Variants in ARMC1 observed in about 807,000 individuals in gnomAD.
ARMC1 encodes armadillo repeat containing 1, also known as armadillo repeat-containing protein 1.
In ARMC1, 16 loss-of-function variants were observed where a neutral mutation model predicts 31.4. The observed-to-expected ratio is 0.51, with a 90% CI of 0.34 to 0.77. ARMC1 has a LOEUF of 0.77. Ranked by LOEUF, ARMC1 falls within the 30% of genes least tolerant of loss-of-function variation. The pLI, the probability that ARMC1 is intolerant of heterozygous loss-of-function variation, is 0.01. For missense variants in ARMC1, 259 were observed against 347.5 expected (o/e 0.75, Z 2.02); for synonymous variants, 114 against 118.9 (o/e 0.96, Z 0.27).
intron 3 of ARMC1, among the ~76,000 whole-genome samples, chr8:65,615,647 C>A (rs1250649437): frequency 6.6e-6 from 1 of 152,084 alleles, no homozygotes. Context: ...ATGGAGGTTG[C>A]AGCGAGCCAA....
chr8:65,605,721 A>C (rs934307634), intron 4 of ARMC1, among the ~76,000 whole-genome samples, 183 bp from the exon 5 acceptor site: 1 of 152,232 alleles, frequency 6.6e-6, no homozygotes. Context: ...CAGGATCAAC[A>C]GAATAGTAAT....
intron 3 of ARMC1, among the ~76,000 whole-genome samples, chr8:65,618,160 C>T (rs1367466398): frequency 3.9e-5 from 6 of 152,026 alleles, no homozygotes; most frequent in African/African-American, 9.7e-5. Context: ...GTGATACACC[C>T]GCCTCGGCCT....
chr8:65,624,510 A>AAAAAAAAAAAAAAG (rs1808472213), intron 2 of ARMC1, among the ~76,000 whole-genome samples: 1 of 151,432 alleles, frequency 6.6e-6, no homozygotes, highest in Admixed American at 6.6e-5. Flanking sequence ...AAAAAAAAAA[A>AAAAAAAAAAAAAAG]AGACATTTTT....
At chr8:65,628,660 T>G (rs1374051794) in intron 1 of ARMC1, among the ~76,000 whole-genome samples, 3 of 138,476 alleles carry the variant, frequency 2.2e-5, no homozygotes, top group Non-Finnish European at 4.7e-5. Context: ...GAGTTCGAGA[T>G]CAGCCTGGCC....
chr8:65,617,920 G>A (rs979860842), intron 3 of ARMC1, among the ~76,000 whole-genome samples: 7 of 83,488 alleles, frequency 8.4e-5, no homozygotes, highest in East Asian at 3.1e-4. Context: ...TTTTTTCGGC[G>A]GGGGGGGAGG....
intron 2 of ARMC1, among the ~76,000 whole-genome samples, chr8:65,623,278 A>C (rs1224381694): frequency 8.1e-6 from 1 of 123,386 alleles, no homozygotes; most frequent in East Asian, 2.5e-4. Flanking sequence ...GCCGCACTCC[A>C]GCCTGGGCGA....
intron 4 of ARMC1, among the ~76,000 whole-genome samples, chr8:65,609,022 G>A (rs538739366): frequency 1.3e-5 from 2 of 152,144 alleles, no homozygotes; most frequent in Non-Finnish European, 2.9e-5. Context: ...ACCAAAAAAA[G>A]TTAACATGAT....
intron 3 of ARMC1, among the ~76,000 whole-genome samples, chr8:65,618,721 C>T (rs1201898347): frequency 6.6e-6 from 1 of 151,794 alleles, no homozygotes; most frequent in Non-Finnish European, 1.5e-5. Flanking sequence ...GTCAAGAAAC[C>T]ATCCCAATGT....
rs571178625 is a variant in ARMC1 at position 65,623,480 on chromosome 8, G to A, written c.184-1126C>T. Among the ~76,000 whole-genome samples, 10 of 151,008 alleles carry A rather than the reference G, an allele frequency of 6.6e-5. No homozygotes were observed. In the East Asian group the frequency reaches 1.4e-3, roughly 21 times the overall value. ...AAAAATTAGCCGGGCATGATGGCAC[G>A]CACCTGTAATCCCAGCTACTCGGGA... On this transcript the variant is annotated intron_variant, in intron 2 of 6. Coordinates refer to ENST00000276569, the MANE Select transcript of ARMC1 (RefSeq NM_018120.6).
intron 3 of ARMC1, among the ~76,000 whole-genome samples, chr8:65,614,698 C>T (rs1035973694): frequency 1.3e-5 from 2 of 152,174 alleles, no homozygotes; most frequent in Admixed American, 6.5e-5. Flanking sequence ...GACACTTGGC[C>T]ATCTCCTACA....
intron 4 of ARMC1, among the ~76,000 whole-genome samples, chr8:65,612,357 G>C (rs1808159754): frequency 1.3e-5 from 2 of 151,904 alleles, no homozygotes; most frequent in Admixed American, 6.6e-5. Flanking sequence ...TCAGGAGGCT[G>C]AGGCAGAAAG....
rs1161104610 is a variant in ARMC1 at position 65,602,585 on chromosome 8, A to G, written c.*1809T>C. The G allele has an allele frequency of 6.6e-6, 1 of 152,210 alleles. No individual in the cohort carries two copies. Among genetic ancestry groups the G allele is most frequent in the African/African-American group, 2.4e-5 (1 of 41,456 alleles). 9.4% of individuals were successfully genotyped at this position (152,210 alleles called of 1,614,324 possible). A position where few individuals can be genotyped will look rare whatever the true frequency, so the allele number is the denominator to read the frequency against. The stretch of plus-strand genomic sequence containing the variant: ...AAGAACTCTTAGAATTAGAACACAC[A>G]AACATCAAGCTGTAATACCTACTTG... On this transcript the variant is annotated 3_prime_UTR_variant, in exon 7 of 7. Transcript: ENST00000276569.
chr8:65,619,326 C>A (rs1461288198), intron 3 of ARMC1, among the ~76,000 whole-genome samples: 2 of 151,894 alleles, frequency 1.3e-5, no homozygotes, highest in East Asian at 3.9e-4. Flanking sequence ...TCACCTGAGG[C>A]CACGAGTTCG....
At chr8:65,604,657 C>A (rs1807964364) in intron 6 of ARMC1, 72 bp from the exon 7 acceptor site, 1 of 1,414,858 alleles carries the variant, frequency 7.1e-7, no homozygotes, top group Non-Finnish European at 9.7e-7. Flanking sequence ...TGGTTATTCT[C>A]AGGGTAAATT....
chr8:65,609,276 T>C (rs1278894668), intron 4 of ARMC1, among the ~76,000 whole-genome samples: 2 of 152,016 alleles, frequency 1.3e-5, no homozygotes, highest in African/African-American at 4.8e-5. Flanking sequence ...CTAGCCTATA[T>C]TTTTGTGTGT....
intron 6 of ARMC1, 100 bp from the exon 7 acceptor site, chr8:65,604,685 T>C (rs1017645047): frequency 6.3e-6 from 6 of 955,818 alleles, no homozygotes; most frequent in African/African-American, 4.9e-5. Flanking sequence ...TACATGACAG[T>C]AGGCCCAATT....
At chr8:65,622,704 G>C (rs1172103545) in intron 2 of ARMC1, among the ~76,000 whole-genome samples, 2 of 125,178 alleles carry the variant, frequency 1.6e-5, no homozygotes, top group Non-Finnish European at 3.3e-5. Context: ...CAGAGTTACT[G>C]TGCCTCAAAA....
chr8:65,610,592 G>A (rs1808115387), intron 4 of ARMC1, among the ~76,000 whole-genome samples: 1 of 151,952 alleles, frequency 6.6e-6, no homozygotes, highest in Non-Finnish European at 1.5e-5. Flanking sequence ...CTACTTGGGA[G>A]GCTGAGGCAG....
Position 65,602,961 on chromosome 8 carries a change from G to C in ARMC1, c.*1433C>G, listed in dbSNP as rs2129040324. Reference sequence around the variant, plus strand: ...TGTTAGTGAACTCAAGACTCTCACTGATGATGGTATTTTACAATGAAAACA... The same window carrying C: ...TGTTAGTGAACTCAAGACTCTCACTCATGATGGTATTTTACAATGAAAACA... On this transcript the variant is annotated 3_prime_UTR_variant, in exon 7 of 7. Coordinates refer to ENST00000276569, the MANE Select transcript of ARMC1 (RefSeq NM_018120.6). 1 of 152,000 alleles carries C rather than the reference G, an allele frequency of 6.6e-6. No individual in the cohort carries two copies. The highest frequency in any genetic ancestry group is 1.9e-4 in the East Asian group (1 of 5,170). The allele number at this position is 152,000 out of a possible 1,614,324, so 9.4% of individuals were successfully genotyped here.
Sources: allele counts gnomAD v4.1 joint callset (sites outside exome capture counted in the v4.1 genomes callset), GRCh38; gene constraint gnomAD v4.1.1; transcripts MANE v1.5; gene names NCBI Gene and HGNC (gene_info 2026-07-23, HGNC 2026-07-21).